The following MCPH1 variants were observed in gnomAD, a reference collection of about 807,000 sequenced individuals.
MCPH1 encodes microcephalin 1.
MCPH1 carries 104 observed loss-of-function variants against 84.5 expected under a neutral mutation model. The ratio of observed to expected loss-of-function variants is 1.23; its 90% CI spans 1.05 to 1.45. The LOEUF (loss-of-function observed/expected upper bound fraction) is 1.45, where lower values mean the gene tolerates loss of function less well. MCPH1 is among the 40% of genes most tolerant of loss of function. The pLI is 0.00. For synonymous variants in MCPH1, 514 were observed against 366.8 expected, an observed-to-expected ratio of 1.40 and a Z score of -4.58; for missense variants, 1,498 against 1,005.7, an observed-to-expected ratio of 1.49 and a Z score of -6.62.
chr8:6,507,670 AG>A (rs1233087382), intron 12 of MCPH1: 1 of 141,258 alleles, frequency 7.1e-6, no homozygotes, highest in Non-Finnish European at 1.5e-5. Flanking sequence ...TCTGCCTCCC[AG>A]GTTCAAGCCA....
At position 6,645,510 on chromosome 8, in the gene MCPH1, T is replaced by G. The variant is rs1225168870; in HGVS notation, c.*2461T>G. On this transcript the variant is annotated 3_prime_UTR_variant, in exon 14 of 14. Transcript: ENST00000344683. ...TAAAGTTTCTACCCAGAGAAGGCAA[T>G]AAAAGGAAATTAAAGCTATACAGAT... 1 of 128,414 alleles carries G rather than the reference T, an allele frequency of 7.8e-6. No individual in the cohort carries two copies. The highest frequency in any genetic ancestry group is 2.3e-4 in the East Asian group (1 of 4,286). 8.0% of individuals were successfully genotyped at this position (128,414 alleles called of 1,614,324 possible). A position where few individuals can be genotyped will look rare whatever the true frequency, so the allele number is the denominator to read the frequency against.
intron 12 of MCPH1, among the ~76,000 whole-genome samples, chr8:6,526,200 GC>G (rs1563346516): frequency 6.8e-6 from 1 of 147,414 alleles, no homozygotes; most frequent in African/African-American, 2.5e-5. Context: ...TGGGCAGAAG[GC>G]TTAAATTCAG....
At chr8:6,508,388 C>A (rs1814218157) in intron 12 of MCPH1, 1 of 154,680 alleles carries the variant, frequency 6.5e-6, no homozygotes. Context: ...GCAGGGGTTG[C>A]AGTGAGCTGC....
chr8:6,472,079 A>G (rs1017271015), intron 9 of MCPH1, among the ~76,000 whole-genome samples: 14 of 152,218 alleles, frequency 9.2e-5, no homozygotes, highest in Non-Finnish European at 1.6e-4. Context: ...CACCATAATT[A>G]ACCTTATTTT....
chr8:6,581,035 A>G (rs550562727), intron 12 of MCPH1, among the ~76,000 whole-genome samples: 18 of 152,360 alleles, frequency 1.2e-4, no homozygotes, highest in Admixed American at 7.2e-4. Context: ...TTTACATTGT[A>G]TTAACTATCA....
chr8:6,588,866 G>T (rs1174595404), intron 12 of MCPH1, among the ~76,000 whole-genome samples: 1 of 152,216 alleles, frequency 6.6e-6, no homozygotes, highest in Non-Finnish European at 1.5e-5. Flanking sequence ...TGGAGGCCCA[G>T]TTCTCACAGA....
intron 12 of MCPH1, among the ~76,000 whole-genome samples, chr8:6,596,560 G>A (rs946375746): frequency 1.3e-5 from 2 of 152,148 alleles, no homozygotes; most frequent in African/African-American, 2.4e-5. Context: ...TGGGCAGTAA[G>A]GAAGCCAGAC....
intron 3 of MCPH1, among the ~76,000 whole-genome samples, chr8:6,421,445 G>C (rs1432818024): frequency 6.6e-6 from 1 of 151,430 alleles, no homozygotes; most frequent in Non-Finnish European, 1.5e-5. Flanking sequence ...GAGTTCAGTG[G>C]TCTATAGCAG....
At chr8:6,473,726 C>T (rs370142590) in intron 9 of MCPH1, 9 of 499,196 alleles carry the variant, frequency 1.8e-5, no homozygotes, top group Non-Finnish European at 2.4e-5. Context: ...TTATACTATC[C>T]GCCTGCTGGT....
intron 13 of MCPH1, chr8:6,642,606 T>C (rs1479742915): frequency 1.4e-5 from 5 of 350,770 alleles, no homozygotes; most frequent in Non-Finnish European, 1.1e-5. Context: ...ATGTATTTAC[T>C]TATACTCTGC....
At chr8:6,454,262 T>C (rs1247012982) in intron 8 of MCPH1, among the ~76,000 whole-genome samples, 1 of 152,196 alleles carries the variant, frequency 6.6e-6, no homozygotes, top group Non-Finnish European at 1.5e-5. Flanking sequence ...GCATCTCCAG[T>C]GGGTAGATGA....
chr8:6,511,032 G>A (rs1361679700), intron 12 of MCPH1, among the ~76,000 whole-genome samples: 1 of 152,188 alleles, frequency 6.6e-6, no homozygotes, highest in African/African-American at 2.4e-5. Flanking sequence ...AGACAGGATT[G>A]AGATGAACCA....
At chr8:6,441,098 C>T (rs963322651) in intron 6 of MCPH1, among the ~76,000 whole-genome samples, 10 of 152,142 alleles carry the variant, frequency 6.6e-5, no homozygotes, top group African/African-American at 1.4e-4. Context: ...CATATGGCCA[C>T]CCCTTTTGCA....
At chr8:6,431,292 G>C (rs1585715086) in intron 3 of MCPH1, among the ~76,000 whole-genome samples, 2 of 152,108 alleles carry the variant, frequency 1.3e-5, no homozygotes, top group African/African-American at 4.8e-5. Context: ...TCTTGCTTCT[G>C]TTATACTTAA....
Position 6,621,446 on chromosome 8 carries a change from C to T in MCPH1, c.2215-8C>T. On this transcript the variant is annotated splice_region_variant and splice_polypyrimidine_tract_variant and intron_variant, in intron 12 of 13. Coordinates refer to ENST00000344683, the MANE Select transcript of MCPH1 (RefSeq NM_024596.5). ...ACCTCTGTAATTCTATCTCTGTCTGCCCCACAGCTGTGCCGAAGCGAGTGC... is the reference window on the plus strand; with the variant it reads ...ACCTCTGTAATTCTATCTCTGTCTGTCCCACAGCTGTGCCGAAGCGAGTGC... 1 of 1,613,768 alleles carries T rather than the reference C, an allele frequency of 6.2e-7. No individual in the cohort carries two copies.
chr8:6,648,318 G>T lies in MCPH1; in HGVS notation c.*5269G>T, dbSNP rs905124723. ...TTCTACCCACTTTTATTTTTCCCAGGAGTCACGCTTAGTCATCTCTTGCTC... is the reference window on the plus strand; with the variant it reads ...TTCTACCCACTTTTATTTTTCCCAGTAGTCACGCTTAGTCATCTCTTGCTC... On this transcript the variant is annotated 3_prime_UTR_variant, in exon 14 of 14. Transcript: ENST00000344683. 1 of 152,244 alleles carries T rather than the reference G, an allele frequency of 6.6e-6. No individual in the cohort carries two copies. The highest frequency in any genetic ancestry group is 2.4e-5 in the African/African-American group (1 of 41,444). The allele number at this position is 152,244 out of a possible 1,614,324, so 9.4% of individuals were successfully genotyped here.
intron 11 of MCPH1, among the ~76,000 whole-genome samples, chr8:6,497,807 C>G (rs186796663): frequency 1.7e-4 from 26 of 152,226 alleles, no homozygotes; most frequent in African/African-American, 6.0e-4. Flanking sequence ...CTTGTGCTTT[C>G]TATAGATTAA....
chr8:6,617,900 A>AATCTATCTATCTATCTATCTATCTATCT (rs142071946), intron 12 of MCPH1, among the ~76,000 whole-genome samples: 32 of 143,132 alleles, frequency 2.2e-4, no homozygotes, highest in East Asian at 8.3e-4. Flanking sequence ...CTATCTATCT[A>AATCTATCTATCTATCTATCTATCTATCT]ATCTATCTAT....
At position 6,477,476 on chromosome 8, in the gene MCPH1, A is replaced by C; in HGVS notation, c.1936-118A>C. 7 of 905,400 alleles carry C rather than the reference A, an allele frequency of 7.7e-6. No homozygotes were observed. In the South Asian group the frequency reaches 1.0e-4, roughly 13 times the overall value. 56.1% of individuals were successfully genotyped at this position (905,400 alleles called of 1,614,324 possible). ...GGTTTTTTTTCTTTGACATATGCTTAAATGTTTATTTTTAAGTGATGTAAC... is the reference window on the plus strand; with the variant it reads ...GGTTTTTTTTCTTTGACATATGCTTCAATGTTTATTTTTAAGTGATGTAAC... On this transcript the variant is annotated intron_variant, in intron 9 of 13. Coordinates refer to ENST00000344683, the MANE Select transcript of MCPH1 (RefSeq NM_024596.5).
Sources: gnomAD v4.1 joint callset for allele counts (sites outside exome capture counted in the v4.1 genomes callset) on GRCh38, gnomAD v4.1.1 for gene constraint, MANE v1.5 for transcripts, NCBI Gene and HGNC (gene_info 2026-07-23, HGNC 2026-07-21) for gene names.